Variants in CDH22 observed in about 807,000 individuals in gnomAD.
CDH22 encodes the protein cadherin 22.
A neutral mutation model predicts 58.4 loss-of-function variants in CDH22; 30 were observed. The observed-to-expected ratio is 0.51, with a 90% CI of 0.38 to 0.70. The LOEUF is 0.70. Among genes scored for constraint, CDH22 ranks in the 30% least tolerant of loss-of-function variants. The pLI, the probability that CDH22 is intolerant of heterozygous loss-of-function variation, is 0.00. For missense variants in CDH22, 1,014 were observed against 1,233.9 expected, an observed-to-expected ratio of 0.82 and a Z score of 2.67; for synonymous variants, 513 against 558.2, an observed-to-expected ratio of 0.92 and a Z score of 1.14.
At chr20:46,295,245 T>C (rs1353654699) in intron 1 of CDH22, among the ~76,000 whole-genome samples, 1 of 152,042 alleles carries the variant, frequency 6.6e-6, no homozygotes, top group African/African-American at 2.4e-5. Context: ...AGAAAAAATG[T>C]TTTTGCTTTG....
At chr20:46,186,183 A>G (rs2085823600) in intron 10 of CDH22, among the ~76,000 whole-genome samples, 1 of 148,550 alleles carries the variant, frequency 6.7e-6, no homozygotes, top group Non-Finnish European at 1.5e-5. Flanking sequence ...AGCCTGGCTG[A>G]CAGAGCGAGA....
At chr20:46,183,577 C>T (rs546162338) in intron 10 of CDH22, among the ~76,000 whole-genome samples, 5 of 152,152 alleles carry the variant, frequency 3.3e-5, no homozygotes, top group African/African-American at 4.8e-5. Context: ...TACAGGTGTG[C>T]GCCACCATGC....
chr20:46,285,574 T>C (rs150332713), intron 1 of CDH22, among the ~76,000 whole-genome samples: 37 of 152,286 alleles, frequency 2.4e-4, no homozygotes, highest in African/African-American at 8.9e-4. Context: ...AAACCTAAGA[T>C]ATCAGTAGTG....
intron 1 of CDH22, among the ~76,000 whole-genome samples, chr20:46,280,190 T>C (rs2425850): frequency 0.95 from 145,116 of 152,242 alleles, 69,230 homozygotes; most frequent in East Asian, 1. Context: ...GAGGCCGAGG[T>C]GGGCATATCA....
rs778732199 is a variant in CDH22 at position 46,177,968 on chromosome 20, C to G, written c.1893G>C (p.Leu631Phe). The change falls in exon 11 of 12, where the codon TTG becomes TTC. Residue 631 changes from leucine (L) to phenylalanine (F), a missense_variant. Leu to Phe is a conservative substitution (Grantham distance 22). Transcript: ENST00000537909. ...SLSPGALIAL[L>F]VCVLILVVLV... ...CACCAACCAGGATGAGAACGCAGAC[C>G]AAGAGGGCGATGAGGGCGCCGGGGC... 8.1e-6 allele frequency: 13 copies of G among 1,613,778 alleles called. No homozygotes were observed. Among genetic ancestry groups the G allele is most frequent in the Non-Finnish European group, 1.1e-5 (13 of 1,179,960 alleles).
intron 2 of CDH22, among the ~76,000 whole-genome samples, chr20:46,250,064 C>T (rs1023794576): frequency 2.6e-5 from 4 of 152,160 alleles, no homozygotes; most frequent in African/African-American, 9.7e-5. Context: ...CACCTTTTCT[C>T]CCCAGCATCA....
intron 1 of CDH22, among the ~76,000 whole-genome samples, chr20:46,273,268 T>A (rs574234845): frequency 6.6e-6 from 1 of 152,264 alleles, no homozygotes; most frequent in East Asian, 1.9e-4. Context: ...CTAAGTTCTC[T>A]GGGCTTCTGT....
chr20:46,259,635 C>A (rs1326724792), intron 1 of CDH22, among the ~76,000 whole-genome samples: 6 of 152,172 alleles, frequency 3.9e-5, no homozygotes, highest in Admixed American at 3.9e-4. Context: ...GCTCCTATCT[C>A]CTTGAGTAAC....
At chr20:46,264,853 G>GCA (rs1228290826) in intron 1 of CDH22, among the ~76,000 whole-genome samples, 2 of 147,804 alleles carry the variant, frequency 1.4e-5, no homozygotes, top group African/African-American at 2.5e-5. Context: ...CACACACCGT[G>GCA]CACACACACA....
chr20:46,238,113 T>C (rs1418067031), intron 3 of CDH22, among the ~76,000 whole-genome samples: 2 of 152,224 alleles, frequency 1.3e-5, no homozygotes, highest in Non-Finnish European at 2.9e-5. Context: ...AGTCTTCCCA[T>C]GTCACTCCCT....
intron 10 of CDH22, among the ~76,000 whole-genome samples, chr20:46,181,315 G>A (rs1308259214): frequency 6.6e-6 from 1 of 152,184 alleles, no homozygotes; most frequent in African/African-American, 2.4e-5. Flanking sequence ...CAGTCTAGGA[G>A]GTCGGGGAGA....
intron 3 of CDH22, among the ~76,000 whole-genome samples, chr20:46,240,568 A>G (rs900878492): frequency 3.3e-5 from 5 of 151,916 alleles, no homozygotes; most frequent in African/African-American, 1.2e-4. Context: ...TGTGTAGGGG[A>G]CTGGATCTAT....
Position 46,174,989 on chromosome 20 carries a change from G to T in CDH22, c.2004C>A (p.Ile668=). The T allele has an allele frequency of 6.2e-7, 1 of 1,607,880 alleles. No homozygotes were observed. ...DEDEDMRDNV[I]KYNDEGGGEQ... ...CGCCGCCGCCTTCGTCGTTGTATTTGATGACGTTGTCCCGCATGTCTTCAT... is the reference window on the plus strand; with the variant it reads ...CGCCGCCGCCTTCGTCGTTGTATTTTATGACGTTGTCCCGCATGTCTTCAT... The change falls in exon 12 of 12, where the codon ATC becomes ATA. Residue 668 remains isoleucine (I), a synonymous_variant. Transcript: ENST00000537909. This position sits in a 1 kb window ranked among gnomAD's most constrained non-coding sequence, Gnocchi z 4.4.
rs1339015294 is a variant in CDH22, at chr20:46,174,564, C to T, written c.2429G>A (p.Arg810Gln). 16 of 1,527,652 alleles carry T rather than the reference C, an allele frequency of 1.0e-5. No homozygotes were observed. Among genetic ancestry groups the T allele is most frequent in the South Asian group, 3.6e-5 (3 of 82,696 alleles). The allele number at this position is 1,527,652 out of a possible 1,614,324, so 94.6% of individuals were successfully genotyped here. A position where few individuals can be genotyped will look rare whatever the true frequency, so the allele number is the denominator to read the frequency against. Residue 810 changes from arginine (R) to glutamine (Q), a missense_variant, in exon 12 of 12, where the codon CGG becomes CAG. Physicochemically the swap from Arg to Gln is conservative, Grantham distance 43. Around this residue, in one of 2 missense-constraint regions of CDH22, gnomAD observed 208 missense variants for 195.2 expected, o/e 1.07. Coordinates refer to ENST00000537909, the MANE Select transcript of CDH22 (RefSeq NM_021248.3). This position sits in a 1 kb window ranked among gnomAD's most constrained non-coding sequence, Gnocchi z 4.4. ...GCCGGCGTAGAGCGCGGCCAGGGGC[C>T]GGAAGCGCGGACCCCAGCTGCTGAG... ...AYLSSWGPRF[R>Q]PLAALYAGHR...
At chr20:46,200,255 G>A (rs1229201881) in intron 7 of CDH22, among the ~76,000 whole-genome samples, 2 of 151,492 alleles carry the variant, frequency 1.3e-5, no homozygotes, top group Admixed American at 6.6e-5. Context: ...GATTACAGGC[G>A]TGAGCGACCG....
At chr20:46,294,093 G>A (rs2086618297) in intron 1 of CDH22, among the ~76,000 whole-genome samples, 4 of 152,184 alleles carry the variant, frequency 2.6e-5, no homozygotes, top group African/African-American at 9.7e-5. Flanking sequence ...GTAGGGGTAG[G>A]TAGATATGCC....
intron 1 of CDH22, among the ~76,000 whole-genome samples, chr20:46,299,468 C>A (rs117835735): frequency 6.6e-6 from 1 of 152,266 alleles, no homozygotes; most frequent in Non-Finnish European, 1.5e-5. Context: ...ACAGGAGAGA[C>A]ACAACCTTTG....
At chr20:46,287,476 A>G (rs2086581422) in intron 1 of CDH22, among the ~76,000 whole-genome samples, 1 of 151,798 alleles carries the variant, frequency 6.6e-6, no homozygotes, top group Non-Finnish European at 1.5e-5. Context: ...CTCAGACTGG[A>G]GTGTGGGGGT....
intron 7 of CDH22, among the ~76,000 whole-genome samples, chr20:46,200,178 G>A (rs563876062): frequency 1.3e-5 from 2 of 151,588 alleles, no homozygotes; most frequent in African/African-American, 2.4e-5. Flanking sequence ...GTTTCACCGT[G>A]TTAGCCAGGA....
Sources: allele counts gnomAD v4.1 joint callset (sites outside exome capture counted in the v4.1 genomes callset), GRCh38; gene constraint gnomAD v4.1.1; regional missense constraint gnomAD v4.1.1; non-coding constraint Gnocchi (gnomAD v3.1); transcripts MANE v1.5; gene names NCBI Gene and HGNC (gene_info 2026-07-23, HGNC 2026-07-21).